Variants in CRADD observed in about 807,000 individuals in gnomAD.
CRADD encodes the protein death domain-containing protein CRADD.
A neutral mutation model predicts 15.5 loss-of-function variants in CRADD; 9 were observed. That is an observed-to-expected ratio of 0.58 (90% CI 0.35 to 1.01). The LOEUF (loss-of-function observed/expected upper bound fraction) is 1.01, where lower values mean the gene tolerates loss of function less well. CRADD is among the 50% of genes least tolerant of loss of function. The pLI is 0.02. For missense variants in CRADD, 227 were observed against 250.3 expected, an observed-to-expected ratio of 0.91 and a Z score of 0.63; for synonymous variants, 118 against 107.6, an observed-to-expected ratio of 1.10 and a Z score of -0.60.
intron 2 of CRADD, chr12:93,836,224 C>T (rs897200356): frequency 6.6e-6 from 1 of 152,158 alleles, no homozygotes; most frequent in African/African-American, 2.4e-5. Context: ...ATTTTTTCCT[C>T]TTTAGATTTG....
intron 2 of CRADD, among the ~76,000 whole-genome samples, chr12:93,773,300 G>T (rs577627048): frequency 6.6e-6 from 1 of 152,086 alleles, no homozygotes; most frequent in Admixed American, 6.5e-5. Flanking sequence ...GGACCCAGTG[G>T]GAGGTAGTTG....
At chr12:93,802,671 T>G (rs1324113739) in intron 2 of CRADD, among the ~76,000 whole-genome samples, 1 of 152,208 alleles carries the variant, frequency 6.6e-6, no homozygotes, top group African/African-American at 2.4e-5. Flanking sequence ...GCTAGTCTCC[T>G]GACAAGGGGG....
chr12:93,759,386 C>T (rs1229799745), intron 2 of CRADD, among the ~76,000 whole-genome samples: 1 of 151,770 alleles, frequency 6.6e-6, no homozygotes, highest in African/African-American at 2.4e-5. Flanking sequence ...TGAAAGTTTA[C>T]AAACTTCCTT....
At chr12:93,683,139 C>T (rs573093780) in intron 2 of CRADD, among the ~76,000 whole-genome samples, 2 of 152,198 alleles carry the variant, frequency 1.3e-5, no homozygotes, top group Non-Finnish European at 2.9e-5. Flanking sequence ...GACAGGCTCC[C>T]TCCAGTGCCT....
intron 2 of CRADD, among the ~76,000 whole-genome samples, chr12:93,872,663 A>G (rs1249431828): frequency 2.6e-5 from 4 of 152,032 alleles, no homozygotes; most frequent in South Asian, 2.1e-4. Flanking sequence ...TGAAGAGACT[A>G]TCTTTTCCCC....
At chr12:93,681,877 GTA>G (rs142255959) in intron 2 of CRADD, among the ~76,000 whole-genome samples, 13 of 151,810 alleles carry the variant, frequency 8.6e-5, no homozygotes, top group African/African-American at 2.7e-4. Context: ...GTGTGTGTGT[GTA>G]TATGTATATA....
chr12:93,719,633 C>A (rs1296871862), intron 2 of CRADD, among the ~76,000 whole-genome samples: 1 of 152,106 alleles, frequency 6.6e-6, no homozygotes, highest in Non-Finnish European at 1.5e-5. Context: ...TAGATGCAGG[C>A]CAACTTAGAT....
intron 2 of CRADD, among the ~76,000 whole-genome samples, chr12:93,804,544 G>A (rs970917320): frequency 6.6e-6 from 1 of 152,102 alleles, no homozygotes; most frequent in Non-Finnish European, 1.5e-5. Flanking sequence ...GTAGTGCGGG[G>A]TGTCTGCCGG....
chr12:93,741,103 T>C (rs1956659600), intron 2 of CRADD, among the ~76,000 whole-genome samples: 1 of 152,238 alleles, frequency 6.6e-6, no homozygotes, highest in South Asian at 2.1e-4. Flanking sequence ...GGAGGAATGA[T>C]AGATTTTGTG....
intron 2 of CRADD, among the ~76,000 whole-genome samples, chr12:93,725,534 C>G (rs1047551793): frequency 6.6e-6 from 1 of 152,218 alleles, no homozygotes; most frequent in African/African-American, 2.4e-5. Context: ...TTGTGAACTA[C>G]TTTGGGAAAT....
At chr12:93,721,439 G>A (rs990583702) in intron 2 of CRADD, among the ~76,000 whole-genome samples, 6 of 151,656 alleles carry the variant, frequency 4.0e-5, no homozygotes, top group Non-Finnish European at 7.4e-5. Context: ...ATATGTGTAT[G>A]CACATACACA....
At chr12:93,854,183 G>A (rs1045648863), downstream of CRADD, among the ~76,000 whole-genome samples, 1 of 152,058 alleles carries the variant, frequency 6.6e-6, no homozygotes, top group Non-Finnish European at 1.5e-5. Context: ...GGCCAGCTCA[G>A]CTGATTTCTG....
chr12:93,887,167 G>C (rs1958543549), intron 2 of CRADD, among the ~76,000 whole-genome samples: 2 of 152,160 alleles, frequency 1.3e-5, no homozygotes, highest in Admixed American at 1.3e-4. Context: ...GGAAATATGA[G>C]AATTACAATA....
chr12:93,886,949 G>T (rs1958542010), intron 2 of CRADD, among the ~76,000 whole-genome samples: 1 of 152,216 alleles, frequency 6.6e-6, no homozygotes, highest in Non-Finnish European at 1.5e-5. Flanking sequence ...AGAGAGTGAG[G>T]TGGGAGGCTG....
At chr12:93,691,874 A>T (rs1955581623) in intron 2 of CRADD, among the ~76,000 whole-genome samples, 1 of 152,162 alleles carries the variant, frequency 6.6e-6, no homozygotes, top group Non-Finnish European at 1.5e-5. Flanking sequence ...GAAATTTTGA[A>T]ATTATTTAAA....
intron 2 of CRADD, among the ~76,000 whole-genome samples, chr12:93,741,917 C>T (rs1956673602): frequency 6.6e-6 from 1 of 152,114 alleles, no homozygotes; most frequent in African/African-American, 2.4e-5. Context: ...CTTCTGAACC[C>T]TTAGTGCTCA....
chr12:93,789,266 A>G (rs1957322369), intron 2 of CRADD, among the ~76,000 whole-genome samples: 1 of 152,080 alleles, frequency 6.6e-6, no homozygotes, highest in African/African-American at 2.4e-5. Context: ...GCTTGCCTCC[A>G]GCGGATTGCC....
chr12:93,848,210 C>G (rs901703705), intron 2 of CRADD, among the ~76,000 whole-genome samples: 1 of 151,994 alleles, frequency 6.6e-6, no homozygotes, highest in African/African-American at 2.4e-5. Context: ...CTGTTAATCT[C>G]AACTATTGAT....
At chr12:93,871,898 A>G (rs1958423525) in intron 2 of CRADD, among the ~76,000 whole-genome samples, 2 of 152,142 alleles carry the variant, frequency 1.3e-5, no homozygotes, top group African/African-American at 4.8e-5. Context: ...TCTTTGATGT[A>G]TGGATTTTCT....
Sources: allele counts gnomAD v4.1 joint callset (sites outside exome capture counted in the v4.1 genomes callset), GRCh38; gene constraint gnomAD v4.1.1; transcripts MANE v1.5; gene names NCBI Gene and HGNC (gene_info 2026-07-23, HGNC 2026-07-21).